GNAO1: variants seen among roughly 807,000 people sequenced by gnomAD.
GNAO1 encodes the protein G protein subunit alpha o1.
For synonymous variants in GNAO1, 164 were observed against 180.7 expected (o/e 0.91, Z 0.74); for missense variants, 166 against 478.7 (o/e 0.35, Z 6.10).
chr16:56,310,645 A>G (rs1035290309), intron 3 of GNAO1, among the ~76,000 whole-genome samples: 2 of 152,176 alleles, frequency 1.3e-5, no homozygotes, highest in Non-Finnish European at 2.9e-5. Flanking sequence ...TCAGTAATCC[A>G]CAATGCAGGA....
chr16:56,237,286 G>A (rs1464818647), intron 2 of GNAO1, among the ~76,000 whole-genome samples: 1 of 152,162 alleles, frequency 6.6e-6, no homozygotes, highest in Non-Finnish European at 1.5e-5. Flanking sequence ...ACAGATATTT[G>A]TTAAGCATCA....
chr16:56,344,017 C>T lies in GNAO1; in HGVS notation c.723+7157C>T, dbSNP rs370576939. 2.5e-3 allele frequency: 4,012 copies of T among 1,585,362 alleles called. 120 individuals carry two copies. In the South Asian group the frequency reaches 0.042, roughly 17 times the overall value. ...CCGCCCCCCCTCCCCTGGAACCAGG[C>T]TCCACCACTCTCAGACCACTCTTTG... On this transcript the variant is annotated intron_variant, in intron 6 of 8. Coordinates refer to ENST00000262493, the MANE Select transcript of GNAO1 (RefSeq NM_020988.3).
chr16:56,341,470 A>G (rs1456832534), intron 6 of GNAO1, among the ~76,000 whole-genome samples: 2 of 152,200 alleles, frequency 1.3e-5, no homozygotes, highest in African/African-American at 2.4e-5. Flanking sequence ...ACCAGGTGCT[A>G]TGAAGAGGGA....
intron 2 of GNAO1, chr16:56,271,047 T>G (rs1201891755): frequency 1.3e-5 from 2 of 152,172 alleles, no homozygotes; most frequent in Non-Finnish European, 2.9e-5. Context: ...GAGACTGAAC[T>G]CTCCAGAGCT....
At chr16:56,265,110 A>G (rs1341532874) in intron 2 of GNAO1, among the ~76,000 whole-genome samples, 1 of 152,212 alleles carries the variant, frequency 6.6e-6, no homozygotes, top group Non-Finnish European at 1.5e-5. Context: ...GTGGTCAGAC[A>G]AGCCCCCCAG....
chr16:56,322,952 A>G (rs899231), intron 3 of GNAO1, among the ~76,000 whole-genome samples: 119,801 of 152,100 alleles, frequency 0.79, 47,935 homozygotes, highest in East Asian at 0.98. Flanking sequence ...CCCAGGTACC[A>G]TGAGAAATCA....
chr16:56,317,807 GCACTGAATC>G (rs1454295108), intron 3 of GNAO1, among the ~76,000 whole-genome samples: 2 of 152,078 alleles, frequency 1.3e-5, no homozygotes, highest in African/African-American at 4.8e-5. Context: ...ATTAGAGATG[GCACTGAATC>G]CTTGGTTCTG....
At chr16:56,340,777 G>C in intron 6 of GNAO1, 2 of 1,533,612 alleles carry the variant, frequency 1.3e-6, no homozygotes, top group African/African-American at 1.4e-5. Context: ...CATTGGCCGC[G>C]GTGGGTCAGG....
chr16:56,195,793 T>G (rs1284265666), intron 2 of GNAO1, among the ~76,000 whole-genome samples: 1 of 152,254 alleles, frequency 6.6e-6, no homozygotes, highest in Non-Finnish European at 1.5e-5. Flanking sequence ...ATAAAACTCC[T>G]TTTATTTAGC....
At chr16:56,324,921 A>C (rs2037616221) in intron 3 of GNAO1, among the ~76,000 whole-genome samples, 2 of 152,242 alleles carry the variant, frequency 1.3e-5, no homozygotes, top group South Asian at 4.1e-4. Context: ...TGTAAATAGC[A>C]CTTTAGCTGG....
intron 2 of GNAO1, among the ~76,000 whole-genome samples, chr16:56,254,384 A>G (rs1280312316): frequency 6.6e-6 from 1 of 152,090 alleles, no homozygotes; most frequent in Admixed American, 6.6e-5. Flanking sequence ...ATGGTCATTA[A>G]TGTCTTCATA....
In GNAO1 at chr16:56,235,125, C is replaced by G. The variant is rs187549889; in HGVS notation, c.162-40806C>G. ...AACTCACAACTCTCAGGGTGCAGTT[C>G]GAAGAGGAGGAAGCAGCATGGCATA... On this transcript the variant is annotated intron_variant, in intron 2 of 8. Coordinates refer to ENST00000262493, the MANE Select transcript of GNAO1 (RefSeq NM_020988.3). The G allele has an allele frequency of 6.5e-4, 230 of 352,894 alleles. 1 individual carries two copies. The highest frequency in any genetic ancestry group is 9.4e-4 in the Non-Finnish European group (169 of 179,720). 21.9% of individuals were successfully genotyped at this position (352,894 alleles called of 1,614,324 possible). A position where few individuals can be genotyped will look rare whatever the true frequency, so the allele number is the denominator to read the frequency against.
chr16:56,223,472 C>T (rs1359282470), intron 2 of GNAO1, among the ~76,000 whole-genome samples: 4 of 152,184 alleles, frequency 2.6e-5, no homozygotes, highest in South Asian at 2.1e-4. Flanking sequence ...TGGACCTACC[C>T]GGATAATCCA....
chr16:56,273,468 T>C (rs2037035667), intron 2 of GNAO1, among the ~76,000 whole-genome samples: 1 of 152,240 alleles, frequency 6.6e-6, no homozygotes, highest in Non-Finnish European at 1.5e-5. Context: ...AAAATTCTTA[T>C]TAATTCCATG....
intron 4 of GNAO1, among the ~76,000 whole-genome samples, chr16:56,332,748 G>A (rs1236333952): frequency 6.6e-6 from 1 of 152,254 alleles, no homozygotes; most frequent in Admixed American, 6.5e-5. Flanking sequence ...AGCACAGAGA[G>A]GCCAGAGGGC....
intron 2 of GNAO1, among the ~76,000 whole-genome samples, chr16:56,227,860 T>G (rs942632255): frequency 6.6e-6 from 1 of 152,170 alleles, no homozygotes; most frequent in Admixed American, 6.5e-5. Flanking sequence ...TTTGGCCTTC[T>G]TGCTGGTGAT....
chr16:56,253,415 T>C (rs2143461463), intron 2 of GNAO1, among the ~76,000 whole-genome samples: 1 of 152,360 alleles, frequency 6.6e-6, no homozygotes, highest in South Asian at 2.1e-4. Context: ...TTCTGGAAGA[T>C]GGGAGAAGAG....
In GNAO1 at chr16:56,312,050, G is replaced by A. The variant is rs545662453; in HGVS notation, c.304-16581G>A. On this transcript the variant is annotated intron_variant, in intron 3 of 8. Transcript: ENST00000262493. ...GCCAGCCTTCCCTGACCCTGCCCTCGGGGAGACAGGGCTGCCGGGCTCTGG... is the reference window on the plus strand; with the variant it reads ...GCCAGCCTTCCCTGACCCTGCCCTCAGGGAGACAGGGCTGCCGGGCTCTGG... 3.8e-3 allele frequency among the ~76,000 whole-genome samples: 574 copies of A among 152,258 alleles called. 11 individuals are homozygous for A. Among genetic ancestry groups the A allele is most frequent in the Non-Finnish European group, 1.7e-3 (113 of 68,016 alleles).
At chr16:56,200,801 AT>A (rs747481211) in intron 2 of GNAO1, among the ~76,000 whole-genome samples, 1 of 152,196 alleles carries the variant, frequency 6.6e-6, no homozygotes, top group Non-Finnish European at 1.5e-5. Context: ...AATGGTCATC[AT>A]ATATCACATT....
Sources: allele counts gnomAD v4.1 joint callset (sites outside exome capture counted in the v4.1 genomes callset), GRCh38; gene constraint gnomAD v4.1.1; transcripts MANE v1.5; gene names NCBI Gene and HGNC (gene_info 2026-07-23, HGNC 2026-07-21).